WNK3: variants seen among roughly 807,000 people sequenced by gnomAD.
WNK3 encodes serine/threonine-protein kinase WNK3.
WNK3 carries 18 observed loss-of-function variants against 116.7 expected under a neutral mutation model. That is an observed-to-expected ratio of 0.15 (90% CI 0.11 to 0.23). The LOEUF is 0.23. Ranked by LOEUF, WNK3 falls within the 10% of genes least tolerant of loss-of-function variation. The probability of loss-of-function intolerance (pLI) is 1.00; values close to 1 mark genes in which losing one functional copy is unlikely to be tolerated. For synonymous variants in WNK3, 404 were observed against 469.4 expected (o/e 0.86, Z 1.80); for missense variants, 993 against 1,323.8 (o/e 0.75, Z 3.88).
chrX:54,299,059 T>A (rs782810244), intron 6 of WNK3, among the ~76,000 whole-genome samples: 65 of 111,895 alleles, frequency 5.8e-4, no homozygotes, highest in Non-Finnish European at 9.0e-4. Flanking sequence ...GGATTAACCA[T>A]CTCTGAAGAG....
At chrX:54,251,302 AT>A (rs1322487911) in intron 15 of WNK3, 96 bp downstream of exon 15, 1 of 590,044 alleles carries the variant, frequency 1.7e-6, no homozygotes, top group Non-Finnish European at 2.6e-6. Flanking sequence ...TACCAAATTA[AT>A]TTATTGGCTA....
At chrX:54,267,084 T>C (rs1334263717) in intron 10 of WNK3, among the ~76,000 whole-genome samples, 3 of 111,753 alleles carry the variant, frequency 2.7e-5, no homozygotes, top group East Asian at 2.8e-4. Context: ...TAAATCATTC[T>C]ACTATGAAGA....
chrX:54,237,367 T>C (rs2067973880), exon 20 of WNK3: 1 of 1,207,862 alleles, frequency 8.3e-7, no homozygotes, highest in Admixed American at 2.2e-5. Flanking sequence ...CTGAAGAGCT[T>C]GTAACTTCTC....
At chrX:54,325,608 G>A (rs782416900) in intron 2 of WNK3, among the ~76,000 whole-genome samples, 173 of 101,605 alleles carry the variant, frequency 1.7e-3, no homozygotes, top group African/African-American at 5.9e-3. Flanking sequence ...GAACCCGGGA[G>A]GCGGAGGTTG....
intron 17 of WNK3, among the ~76,000 whole-genome samples, chrX:54,246,274 T>A (rs1374765130): frequency 1.8e-5 from 2 of 110,836 alleles, no homozygotes; most frequent in Non-Finnish European, 3.8e-5. Context: ...AAGAAAGATT[T>A]AAAAAATCAA....
At chrX:54,325,706 A>G (rs868993727) in intron 2 of WNK3, among the ~76,000 whole-genome samples, 1 of 103,449 alleles carries the variant, frequency 9.7e-6, no homozygotes, top group Non-Finnish European at 1.9e-5. Flanking sequence ...AAAAAAAAAA[A>G]GGAAATAGTT....
intron 18 of WNK3, 86 bp downstream of exon 18, chrX:54,238,782 G>A: frequency 1.3e-6 from 1 of 751,337 alleles, no homozygotes; most frequent in Non-Finnish European, 1.8e-6. Flanking sequence ...GGAAAAAGTG[G>A]CAAGATTTGT....
intron 17 of WNK3, among the ~76,000 whole-genome samples, chrX:54,242,537 G>A (rs2068032939): frequency 8.9e-6 from 1 of 112,556 alleles, no homozygotes; most frequent in Admixed American, 9.4e-5. Flanking sequence ...TAAAACTACA[G>A]TAATCAAAAC....
intron 17 of WNK3, among the ~76,000 whole-genome samples, chrX:54,240,970 G>A (rs1466379725): frequency 9.0e-6 from 1 of 111,459 alleles, no homozygotes; most frequent in Non-Finnish European, 1.9e-5. Flanking sequence ...CTGCTAAAGA[G>A]ATATTTACTG....
chrX:54,245,108 T>C (rs1477395663), intron 17 of WNK3, among the ~76,000 whole-genome samples: 1 of 109,912 alleles, frequency 9.1e-6, no homozygotes, highest in Non-Finnish European at 1.9e-5. Context: ...AATTTATCTT[T>C]TCAGAACTTT....
intron 10 of WNK3, among the ~76,000 whole-genome samples, chrX:54,283,152 TG>T (rs2068537069): frequency 9.0e-6 from 1 of 111,611 alleles, no homozygotes; most frequent in South Asian, 3.7e-4. Flanking sequence ...AATTAAAAAC[TG>T]GGTAAAGGGG....
chrX:54,201,899 C>A, intron 23 of WNK3, 92 bp downstream of exon 23: 2 of 728,849 alleles, frequency 2.7e-6, no homozygotes, highest in Non-Finnish European at 4.1e-6. Flanking sequence ...TCATACTACT[C>A]TCTCATAGTG....
At chrX:54,214,122 G>T (rs950166651) in intron 22 of WNK3, among the ~76,000 whole-genome samples, 1 of 110,702 alleles carries the variant, frequency 9.0e-6, no homozygotes, top group African/African-American at 3.3e-5. Flanking sequence ...GATTACAGGC[G>T]CGTGCCACCG....
chrX:54,270,399 CTTT>C (rs781794140), intron 10 of WNK3, among the ~76,000 whole-genome samples: 1 of 92,764 alleles, frequency 1.1e-5, no homozygotes, highest in Non-Finnish European at 2.2e-5. Context: ...CGCCCGGCCT[CTTT>C]TTTTTTTTTT....
chrX:54,342,045 G>C (rs1023018805), intron 1 of WNK3, among the ~76,000 whole-genome samples: 3 of 111,379 alleles, frequency 2.7e-5, no homozygotes, highest in Non-Finnish European at 5.7e-5. Context: ...AGGATAGCTT[G>C]AGCCCAAGAG....
intron 2 of WNK3, among the ~76,000 whole-genome samples, chrX:54,314,203 A>C (rs782581389): frequency 1.2e-3 from 125 of 105,048 alleles, no homozygotes; most frequent in Middle Eastern, 9.7e-3. Context: ...AAAAAAAAAA[A>C]CAAAAAAAAA....
rs781861655 is a variant in WNK3, at chrX:54,237,264, G to A, written c.4302C>T (p.Thr1434=). Residue 1434 remains threonine (T), a synonymous_variant, in exon 20 of 24, where the codon ACC becomes ACT. Transcript: ENST00000354646. Reference sequence around the variant, plus strand: ...AAGTTTCTTCAAATTCCTTTTCTGGGGTCACTGAAGATACATCAGTCTCAC... The same window carrying A: ...AAGTTTCTTCAAATTCCTTTTCTGGAGTCACTGAAGATACATCAGTCTCAC... The A allele has an allele frequency of 6.6e-6, 8 of 1,210,260 alleles. No homozygotes were observed. The African/African-American group carries it at 8.7e-5, about 13-fold the overall frequency.
rs899931709 is a variant in WNK3 at position 54,221,703 on chromosome X, C to T, written c.4870+7011G>A. On this transcript the variant is annotated intron_variant, in intron 22 of 23. Transcript: ENST00000354646. Reference sequence around the variant, plus strand: ...CAAAAAAATTAGCCAGGCATGGTGACGCACGCCTGTAATCCCAGCTACTCA... The same window carrying T: ...CAAAAAAATTAGCCAGGCATGGTGATGCACGCCTGTAATCCCAGCTACTCA... 1.5e-4 allele frequency among the ~76,000 whole-genome samples: 16 copies of T among 109,744 alleles called. 1 individual carries two copies. The highest frequency in any genetic ancestry group is 2.0e-4 in the Admixed American group (2 of 10,241).
intron 2 of WNK3, among the ~76,000 whole-genome samples, chrX:54,312,446 CT>C (rs1163457690): frequency 5.4e-5 from 6 of 110,712 alleles, no homozygotes; most frequent in Non-Finnish European, 9.5e-5. Context: ...TTTCTCATTC[CT>C]TTTTTTTCTA....
Sources: gnomAD v4.1 joint callset for allele counts (sites outside exome capture counted in the v4.1 genomes callset) on GRCh38, gnomAD v4.1.1 for gene constraint, MANE v1.5 for transcripts, NCBI Gene and HGNC (gene_info 2026-07-23, HGNC 2026-07-21) for gene names.